Variants in RIT2 observed in about 807,000 individuals in gnomAD.
The protein encoded by RIT2 is Ras like without CAAX 2, also known as GTP-binding protein Rit2.
A neutral mutation model predicts 23.7 loss-of-function variants in RIT2; 24 were observed. The ratio of observed to expected loss-of-function variants is 1.01; its 90% confidence interval spans 0.73 to 1.43. The LOEUF (loss-of-function observed/expected upper bound fraction) is 1.43. RIT2 is among the 40% of genes most tolerant of loss of function. RIT2 has a pLI of 0.00. For synonymous variants in RIT2, 107 were observed against 91.1 expected, an observed-to-expected ratio of 1.17 and a Z score of -0.99; for missense variants, 236 against 266.9, an observed-to-expected ratio of 0.88 and a Z score of 0.81.
rs542331409 is a variant in RIT2, at chr18:43,059,227, G to A, written c.104-25360C>T. ...GCAAGCGTTTTATATACATCACCTC[G>A]TTTATCCCCAAAATGACACTGTGAC... On this transcript the variant is annotated intron_variant, in intron 1 of 4. Coordinates refer to ENST00000326695, the MANE Select transcript of RIT2 (RefSeq NM_002930.4). 2.3e-3 allele frequency among the ~76,000 whole-genome samples: 350 copies of A among 151,996 alleles called. 4 individuals are homozygous for A. The highest frequency in any genetic ancestry group is 7.4e-3 in the African/African-American group (307 of 41,450).
intron 1 of RIT2, among the ~76,000 whole-genome samples, chr18:43,066,820 A>G (rs1421952239): frequency 2.0e-5 from 3 of 151,858 alleles, no homozygotes; most frequent in Non-Finnish European, 4.4e-5. Flanking sequence ...GCTTTTAAAG[A>G]AGAAAGGACA....
chr18:43,019,747 C>A (rs1439749729), intron 2 of RIT2, among the ~76,000 whole-genome samples: 2 of 151,998 alleles, frequency 1.3e-5, no homozygotes, highest in Non-Finnish European at 2.9e-5. Flanking sequence ...AGTCGAATTA[C>A]CCCTCTTTGC....
intron 1 of RIT2, among the ~76,000 whole-genome samples, chr18:43,066,298 T>C (rs1057159993): frequency 6.6e-6 from 1 of 152,168 alleles, no homozygotes; most frequent in Non-Finnish European, 1.5e-5. Context: ...GATTGGCTAT[T>C]TAATTCACAA....
chr18:43,023,831 G>A (rs939892700), intron 2 of RIT2, among the ~76,000 whole-genome samples: 23 of 152,000 alleles, frequency 1.5e-4, no homozygotes, highest in African/African-American at 5.3e-4. Context: ...CTGGAGGTTC[G>A]ATGGTGGTCA....
rs889848981 is a variant in RIT2, at chr18:42,754,076, C to G, written c.427-10356G>C. Among the ~76,000 whole-genome samples the G allele has an allele frequency of 5.7e-4, 86 of 152,076 alleles. 1 individual carries two copies. The highest frequency in any genetic ancestry group is 1.0e-3 in the Non-Finnish European group (70 of 67,998). ...GCTCTATCTGCTCTGCTATTTTTCC[C>G]CAATTATCTTTTTTAGATGAGTGAA... On this transcript the variant is annotated intron_variant, in intron 4 of 4. Transcript: ENST00000326695.
chr18:43,020,993 A>T (rs1911582513), intron 2 of RIT2, among the ~76,000 whole-genome samples: 1 of 152,214 alleles, frequency 6.6e-6, no homozygotes, highest in South Asian at 2.1e-4. Context: ...ACAGACAACA[A>T]AAGCAAAAAT....
At chr18:43,026,020 T>C (rs1469155747) in intron 2 of RIT2, among the ~76,000 whole-genome samples, 1 of 151,962 alleles carries the variant, frequency 6.6e-6, no homozygotes, top group Non-Finnish European at 1.5e-5. Flanking sequence ...ATAGTGAAAA[T>C]AAGCTGCAAA....
chr18:42,868,319 T>G lies in RIT2; in HGVS notation c.426+55253A>C, dbSNP rs147929394. On this transcript the variant is annotated intron_variant, in intron 4 of 4. Coordinates refer to ENST00000326695, the MANE Select transcript of RIT2 (RefSeq NM_002930.4). ...CTCATAATTGCTCCTTAGTTTTCAT[T>G]TCCATACTCAATAAATTATTAAAAA... 3.0e-3 allele frequency among the ~76,000 whole-genome samples: 453 copies of G among 152,314 alleles called. 5 individuals carry two copies. The highest frequency in any genetic ancestry group is 1.0e-2 in the African/African-American group (415 of 41,568).
At chr18:42,932,486 A>G (rs969270418) in intron 3 of RIT2, among the ~76,000 whole-genome samples, 1 of 152,176 alleles carries the variant, frequency 6.6e-6, no homozygotes. Context: ...ATAATCTGAT[A>G]TCATGCTACC....
At chr18:42,891,290 T>C (rs1908167904) in intron 4 of RIT2, among the ~76,000 whole-genome samples, 1 of 152,160 alleles carries the variant, frequency 6.6e-6, no homozygotes, top group Admixed American at 6.5e-5. Context: ...ATCTAGATAT[T>C]CACATTCTTT....
At chr18:43,107,808 A>T (rs1267222803) in intron 1 of RIT2, among the ~76,000 whole-genome samples, 1 of 152,148 alleles carries the variant, frequency 6.6e-6, no homozygotes, top group African/African-American at 2.4e-5. Context: ...TTGTTTGTGT[A>T]GAAAATTAAA....
intron 2 of RIT2, among the ~76,000 whole-genome samples, chr18:43,019,037 C>T (rs1911537243): frequency 6.6e-6 from 1 of 151,898 alleles, no homozygotes; most frequent in South Asian, 2.1e-4. Context: ...AATAAGTGCT[C>T]ACATATCAAG....
At chr18:43,015,142 A>G (rs930315719) in intron 2 of RIT2, among the ~76,000 whole-genome samples, 1 of 151,754 alleles carries the variant, frequency 6.6e-6, no homozygotes, top group Non-Finnish European at 1.5e-5. Context: ...TTTTAGCTGT[A>G]TAGTAGTTAT....
At chr18:42,971,221 CAGG>C (rs1314649551) in intron 3 of RIT2, among the ~76,000 whole-genome samples, 1 of 151,930 alleles carries the variant, frequency 6.6e-6, no homozygotes, top group East Asian at 1.9e-4. Flanking sequence ...CTGTTTCCTA[CAGG>C]GAACATAAAT....
At chr18:42,829,443 A>G (rs899067906) in intron 4 of RIT2, among the ~76,000 whole-genome samples, 5 of 152,184 alleles carry the variant, frequency 3.3e-5, no homozygotes, top group Non-Finnish European at 7.3e-5. Context: ...ATTATTTCTA[A>G]TTGGAGGGTG....
At chr18:43,047,565 G>A (rs1439717348) in intron 1 of RIT2, among the ~76,000 whole-genome samples, 1 of 151,918 alleles carries the variant, frequency 6.6e-6, no homozygotes, top group African/African-American at 2.4e-5. Flanking sequence ...ACGCTTTTCA[G>A]TATTCTTAGG....
chr18:43,100,979 ATGTG>A (rs771635734), intron 1 of RIT2, among the ~76,000 whole-genome samples: 1 of 151,844 alleles, frequency 6.6e-6, no homozygotes, highest in Non-Finnish European at 1.5e-5. Context: ...ACAGACATAT[ATGTG>A]TGTGTGTTTG....
intron 3 of RIT2, among the ~76,000 whole-genome samples, chr18:42,969,502 A>T (rs1910312981): frequency 6.6e-6 from 1 of 152,104 alleles, no homozygotes; most frequent in African/African-American, 2.4e-5. Flanking sequence ...AGATGAGTAA[A>T]CTAGGTCGAG....
intron 4 of RIT2, among the ~76,000 whole-genome samples, chr18:42,909,821 T>C (rs916182813): frequency 1.3e-5 from 2 of 152,084 alleles, no homozygotes; most frequent in South Asian, 4.1e-4. Flanking sequence ...GACTGGGATC[T>C]TTAGAAAGTA....
Sources: gnomAD v4.1 joint callset for allele counts (sites outside exome capture counted in the v4.1 genomes callset) on GRCh38, gnomAD v4.1.1 for gene constraint, MANE v1.5 for transcripts, NCBI Gene and HGNC (gene_info 2026-07-23, HGNC 2026-07-21) for gene names.